The following SAMD5 variants were observed in gnomAD, a reference collection of about 807,000 sequenced individuals.
SAMD5 encodes sterile alpha motif domain containing 5.
SAMD5 carries 13 observed loss-of-function variants against 11.3 expected under a neutral mutation model. That is an observed-to-expected ratio of 1.15 (90% confidence interval 0.75 to 1.83). SAMD5 has a LOEUF of 1.83. SAMD5 is among the 40% of genes most tolerant of loss of function. The pLI is 0.00. For synonymous variants in SAMD5, 129 were observed against 111.3 expected (o/e 1.16, Z -1.00); for missense variants, 255 against 239.1 (o/e 1.07, Z -0.44).
At chr6:147,617,405 A>G (rs1789889135) in intron 1 of SAMD5, among the ~76,000 whole-genome samples, 1 of 152,202 alleles carries the variant, frequency 6.6e-6, no homozygotes, top group African/African-American at 2.4e-5. Context: ...TTTCTGATTC[A>G]TTGGCCTTTG....
At chr6:147,651,000 A>G (rs1790475660) in intron 1 of SAMD5, among the ~76,000 whole-genome samples, 1 of 152,152 alleles carries the variant, frequency 6.6e-6, no homozygotes, top group Non-Finnish European at 1.5e-5. Flanking sequence ...AGGTTATTGA[A>G]TTTGTGATAG....
chr6:147,844,988 C>G, the SAMD5 span, among the ~76,000 whole-genome samples: 1 of 152,090 alleles, frequency 6.6e-6, no homozygotes, highest in South Asian at 2.1e-4. Flanking sequence ...GAGAAGCTTT[C>G]AAATGTTCTC....
intron 1 of SAMD5, among the ~76,000 whole-genome samples, chr6:147,708,719 C>T (rs941946663): frequency 3.9e-5 from 6 of 152,118 alleles, no homozygotes; most frequent in African/African-American, 1.2e-4. Flanking sequence ...ATTTATGGAT[C>T]GACTGTATCC....
the SAMD5 span, among the ~76,000 whole-genome samples, chr6:147,930,711 G>A: frequency 1.3e-5 from 2 of 152,158 alleles, no homozygotes; most frequent in Non-Finnish European, 2.9e-5. Flanking sequence ...GGCCACTGGT[G>A]CAAGTCCCAG....
chr6:147,698,533 C>A (rs1309283261), intron 1 of SAMD5, among the ~76,000 whole-genome samples: 2 of 152,152 alleles, frequency 1.3e-5, no homozygotes, highest in Admixed American at 6.5e-5. Flanking sequence ...TCCTCAGTAT[C>A]CCCCTAGTAC....
chr6:147,804,129 T>TTTTG, the SAMD5 span, among the ~76,000 whole-genome samples: 929 of 135,418 alleles, frequency 6.9e-3, 12 homozygotes, highest in African/African-American at 0.023. Flanking sequence ...TTTTTTTTTT[T>TTTTG]GATACAGTCT....
the SAMD5 span, among the ~76,000 whole-genome samples, chr6:147,815,205 C>A: frequency 6.6e-6 from 1 of 152,216 alleles, no homozygotes; most frequent in East Asian, 1.9e-4. Flanking sequence ...CACAGAGGGT[C>A]TCCCCTTACC....
At chr6:147,805,816 G>A in the SAMD5 span, among the ~76,000 whole-genome samples, 16 of 152,206 alleles carry the variant, frequency 1.1e-4, no homozygotes, top group East Asian at 2.7e-3. Context: ...TATTGAAGGG[G>A]CACTCACAAT....
the SAMD5 span, among the ~76,000 whole-genome samples, chr6:147,902,017 T>A: frequency 1.3e-5 from 2 of 152,164 alleles, no homozygotes; most frequent in Non-Finnish European, 2.9e-5. Flanking sequence ...TTAGGTATTG[T>A]TTCTAGTTCA....
Position 147,508,932 on chromosome 6 carries a change from T to G in SAMD5, c.4T>G (p.Cys2Gly). M[C>G]TNIVYEWLKA... The stretch of plus-strand genomic sequence containing the variant: ...CGGCGGGGTTCCCGGTCCCACCATG[T>G]GCACCAACATAGTTTACGAGTGGCT... Residue 2 changes from cysteine (C) to glycine (G), a missense_variant, in exon 1 of 2, where the codon TGC becomes GGC. Physicochemically the swap from Cys to Gly is radical, Grantham distance 159 (BLOSUM62 -3). Transcript: ENST00000367474. 6.3e-7 allele frequency: 1 copy of G among 1,590,982 alleles called. No homozygotes were observed. The highest frequency in any genetic ancestry group is 8.5e-7 in the Non-Finnish European group (1 of 1,169,598).
the SAMD5 span, among the ~76,000 whole-genome samples, chr6:147,753,244 T>TCC: frequency 1.3e-5 from 2 of 152,192 alleles, no homozygotes; most frequent in Admixed American, 1.3e-4. Flanking sequence ...GCAGGCCCTG[T>TCC]CCAGGAGTAG....
intron 1 of SAMD5, among the ~76,000 whole-genome samples, chr6:147,698,717 G>T (rs1021627956): frequency 6.6e-6 from 1 of 152,116 alleles, no homozygotes; most frequent in Non-Finnish European, 1.5e-5. Context: ...CCTTGTACTT[G>T]CCCAGTTTAT....
At chr6:147,546,130 T>C (rs1209623394) in intron 1 of SAMD5, among the ~76,000 whole-genome samples, 1 of 152,184 alleles carries the variant, frequency 6.6e-6, no homozygotes, top group Non-Finnish European at 1.5e-5. Context: ...GAGGCTTTCT[T>C]CCATTCAGTG....
At chr6:147,727,335 A>C (rs963781540) in intron 1 of SAMD5, among the ~76,000 whole-genome samples, 3 of 152,136 alleles carry the variant, frequency 2.0e-5, no homozygotes, top group Admixed American at 1.3e-4. Flanking sequence ...AGTCTTTCTT[A>C]TATCCCTATA....
At chr6:147,861,702 T>C in the SAMD5 span, among the ~76,000 whole-genome samples, 2 of 152,340 alleles carry the variant, frequency 1.3e-5, no homozygotes, top group African/African-American at 4.8e-5. Flanking sequence ...TGGGAAGGAT[T>C]TCTGCTGGTG....
intron 1 of SAMD5, chr6:147,737,278 A>G (rs907113705): frequency 5.1e-6 from 6 of 1,181,086 alleles, no homozygotes; most frequent in South Asian, 1.5e-5. Flanking sequence ...TCACTGGGCA[A>G]CACTTAATTA....
chr6:147,832,169 A>T, the SAMD5 span, among the ~76,000 whole-genome samples: 2 of 152,308 alleles, frequency 1.3e-5, no homozygotes, highest in South Asian at 4.2e-4. Context: ...GGGACTTATT[A>T]AAAAATTAGG....
chr6:147,563,973 A>G (rs1788994846), intron 1 of SAMD5, among the ~76,000 whole-genome samples: 1 of 152,216 alleles, frequency 6.6e-6, no homozygotes, highest in Non-Finnish European at 1.5e-5. Flanking sequence ...CTCTTCCAGC[A>G]TGAGATAGGT....
the SAMD5 span, among the ~76,000 whole-genome samples, chr6:147,928,978 G>GTTT: frequency 1.5e-4 from 22 of 148,014 alleles, no homozygotes; most frequent in South Asian, 4.7e-3. Flanking sequence ...GGTTTTGAGT[G>GTTT]TTTTTTTTTT....
Sources: gnomAD v4.1 joint callset for allele counts (sites outside exome capture counted in the v4.1 genomes callset) on GRCh38, gnomAD v4.1.1 for gene constraint, MANE v1.5 for transcripts, NCBI Gene and HGNC (gene_info 2026-07-23, HGNC 2026-07-21) for gene names.